The following TMT1A variants were observed in gnomAD, a reference collection of about 807,000 sequenced individuals.
TMT1A encodes the protein thiol methyltransferase 1A.
the TMT1A span, chr12:50,925,034 G>A: frequency 3.1e-6 from 5 of 1,612,046 alleles, no homozygotes; most frequent in Middle Eastern, 1.7e-4. Context: ...TTTCCCTTCT[G>A]AGCAATGGAG....
chr12:50,926,255 T>C, the TMT1A span, among the ~76,000 whole-genome samples: 1 of 152,098 alleles, frequency 6.6e-6, no homozygotes, highest in South Asian at 2.1e-4. Context: ...AAACCAATTA[T>C]AGGACAAAAG....
the TMT1A span, among the ~76,000 whole-genome samples, chr12:50,926,888 G>A: frequency 2.0e-5 from 3 of 152,186 alleles, no homozygotes; most frequent in Non-Finnish European, 4.4e-5. Context: ...ATACCTGTAT[G>A]TAGTTTTCAC....
chr12:50,925,823 G>A, the TMT1A span, among the ~76,000 whole-genome samples: 1 of 151,958 alleles, frequency 6.6e-6, no homozygotes, highest in South Asian at 2.1e-4. Flanking sequence ...CAGATCGCTT[G>A]AGGTCAGGAG....
chr12:50,927,882 T>C, the TMT1A span, among the ~76,000 whole-genome samples: 1 of 150,984 alleles, frequency 6.6e-6, no homozygotes, highest in South Asian at 2.1e-4. Context: ...TGGTGTACAG[T>C]GGCATGATCT....
chr12:50,927,995 T>A, the TMT1A span, among the ~76,000 whole-genome samples: 1 of 152,154 alleles, frequency 6.6e-6, no homozygotes, highest in Admixed American at 6.5e-5. Flanking sequence ...TGGCTAACTT[T>A]TATATTTTTA....
At chr12:50,926,605 CAAG>C in the TMT1A span, among the ~76,000 whole-genome samples, 1 of 152,128 alleles carries the variant, frequency 6.6e-6, no homozygotes, top group Non-Finnish European at 1.5e-5. Context: ...TCAGAAAGAA[CAAG>C]AAGAGTTATC....
the TMT1A span, among the ~76,000 whole-genome samples, chr12:50,926,073 C>T: frequency 9.3e-6 from 1 of 107,918 alleles, no homozygotes; most frequent in Non-Finnish European, 2.0e-5. Context: ...GAAAAAAAAA[C>T]TCCCCAAAAC....
At chr12:50,925,204 C>T in the TMT1A span, 15 of 1,614,038 alleles carry the variant, frequency 9.3e-6, no homozygotes, top group African/African-American at 1.9e-4. Context: ...AAGCAAGAAG[C>T]GGGAGCTCTT....
chr12:50,929,705 G>A, the TMT1A span, among the ~76,000 whole-genome samples: 3 of 152,210 alleles, frequency 2.0e-5, no homozygotes, highest in Non-Finnish European at 2.9e-5. Context: ...ATCATATCAC[G>A]TACATATTTG....
chr12:50,929,218 G>C, the TMT1A span, among the ~76,000 whole-genome samples: 25 of 152,206 alleles, frequency 1.6e-4, no homozygotes, highest in East Asian at 5.8e-4. Flanking sequence ...CTGGGTGACA[G>C]AGCCAGGCCC....
chr12:50,928,159 C>T, the TMT1A span, among the ~76,000 whole-genome samples: 1 of 152,202 alleles, frequency 6.6e-6, no homozygotes, highest in South Asian at 2.1e-4. Flanking sequence ...CACTGTACCA[C>T]AGTGCTTGTT....
At chr12:50,929,220 G>A in the TMT1A span, among the ~76,000 whole-genome samples, 1 of 152,136 alleles carries the variant, frequency 6.6e-6, no homozygotes, top group African/African-American at 2.4e-5. Flanking sequence ...GGGTGACAGA[G>A]CCAGGCCCTG....
the TMT1A span, among the ~76,000 whole-genome samples, chr12:50,928,142 T>G: frequency 5.3e-5 from 8 of 152,190 alleles, no homozygotes; most frequent in African/African-American, 1.7e-4. Context: ...AATGCAAATA[T>G]TCTTACCACT....
At chr12:50,927,432 T>C in the TMT1A span, among the ~76,000 whole-genome samples, 18 of 152,156 alleles carry the variant, frequency 1.2e-4, no homozygotes, top group African/African-American at 4.3e-4. Context: ...ATCAGAGTAG[T>C]AAATAAAAAA....
the TMT1A span, among the ~76,000 whole-genome samples, chr12:50,926,481 C>A: frequency 6.6e-6 from 1 of 152,116 alleles, no homozygotes; most frequent in African/African-American, 2.4e-5. Context: ...TGTCCATACA[C>A]AAGAATATTA....
At chr12:50,930,043 A>C in the TMT1A span, 1 of 1,614,022 alleles carries the variant, frequency 6.2e-7, no homozygotes, top group East Asian at 2.2e-5. Context: ...AGAGAGCTGG[A>C]AGGCCCTGGA....
the TMT1A span, chr12:50,930,887 C>T: frequency 6.6e-6 from 1 of 152,126 alleles, no homozygotes; most frequent in African/African-American, 2.4e-5. Context: ...TGGCCTGAAA[C>T]CTTTTTTAGG....
chr12:50,925,632 A>G, the TMT1A span: 1 of 1,348,212 alleles, frequency 7.4e-7, no homozygotes, highest in Non-Finnish European at 9.9e-7. Flanking sequence ...TTTAACATAA[A>G]AAGTAAACTA....
At chr12:50,926,035 A>G in the TMT1A span, among the ~76,000 whole-genome samples, 2 of 148,794 alleles carry the variant, frequency 1.3e-5, no homozygotes, top group African/African-American at 5.0e-5. Flanking sequence ...AAAAAAAAAA[A>G]AAAAGAAAGA....
Sources: gnomAD v4.1 joint callset for allele counts (sites outside exome capture counted in the v4.1 genomes callset) on GRCh38, gnomAD v4.1.1 for gene constraint, MANE v1.5 for transcripts, NCBI Gene and HGNC (gene_info 2026-07-23, HGNC 2026-07-21) for gene names.